Variants in PCDHA13 observed in about 807,000 individuals in gnomAD.
PCDHA13 encodes the protein protocadherin alpha-13.
In PCDHA13, 54 loss-of-function variants were observed where a neutral mutation model predicts 64.8. The ratio of observed to expected loss-of-function variants is 0.83; its 90% confidence interval spans 0.67 to 1.04. The LOEUF (loss-of-function observed/expected upper bound fraction) is 1.04. Ranked by LOEUF, PCDHA13 falls within the 50% of genes least tolerant of loss-of-function variation. The pLI, the probability that PCDHA13 is intolerant of heterozygous loss-of-function variation, is 0.00. For missense variants in PCDHA13, 1,248 were observed against 1,254.3 expected (o/e 0.99, Z 0.08); for synonymous variants, 587 against 564.4 (o/e 1.04, Z -0.57).
chr5:140,974,884 T>A (rs1485443373), intron 1 of PCDHA13, among the ~76,000 whole-genome samples: 1 of 152,240 alleles, frequency 6.6e-6, no homozygotes, highest in Non-Finnish European at 1.5e-5. Context: ...TATGTATCCC[T>A]TTTCTGATGA....
chr5:140,882,971 G>A lies in PCDHA13; in HGVS notation c.703G>A (p.Val235Met), dbSNP rs1562782227. ...TVQLLITILD[V>M]NDNAPEFYQS... Reference sequence around the variant, plus strand: ...TCAGCTGCTCATCACGATTCTGGACGTGAATGACAACGCCCCGGAATTTTA... The same window carrying A: ...TCAGCTGCTCATCACGATTCTGGACATGAATGACAACGCCCCGGAATTTTA... The change falls in exon 1 of 4, where the codon GTG (valine) becomes ATG (methionine). Residue 235 changes from valine (V) to methionine (M), a missense_variant. Coordinates refer to ENST00000289272, the MANE Select transcript of PCDHA13 (RefSeq NM_018904.3). 3.1e-6 allele frequency: 5 copies of A among 1,614,206 alleles called. No individual in the cohort carries two copies. Among genetic ancestry groups the A allele is most frequent in the Admixed American group, 1.7e-5 (1 of 60,026 alleles).
chr5:140,943,742 T>C (rs1326111617), intron 1 of PCDHA13, among the ~76,000 whole-genome samples: 2 of 152,200 alleles, frequency 1.3e-5, no homozygotes, highest in Non-Finnish European at 2.9e-5. Context: ...GTCCACAGTC[T>C]AAAAGCAGTA....
At chr5:140,928,712 G>T in intron 1 of PCDHA13, 2 of 1,614,168 alleles carry the variant, frequency 1.2e-6, no homozygotes, top group Non-Finnish European at 1.7e-6. Flanking sequence ...TCTGACTCTA[G>T]TCTCTTTAGA....
chr5:140,991,844 C>T (rs892318388), intron 3 of PCDHA13, among the ~76,000 whole-genome samples: 2 of 152,334 alleles, frequency 1.3e-5, no homozygotes, highest in Middle Eastern at 6.8e-3. Flanking sequence ...AACCGCACTT[C>T]CAGATACCAA....
intron 1 of PCDHA13, among the ~76,000 whole-genome samples, chr5:140,940,840 A>T (rs1554213622): frequency 2.0e-5 from 3 of 152,222 alleles, no homozygotes; most frequent in Non-Finnish European, 1.5e-5. Context: ...ACCTTTCTTC[A>T]CGATAGATTT....
chr5:141,002,614 T>C (rs2098088159), intron 3 of PCDHA13, among the ~76,000 whole-genome samples: 1 of 152,130 alleles, frequency 6.6e-6, no homozygotes, highest in Non-Finnish European at 1.5e-5. Context: ...AACAGACACA[T>C]AACACAGACA....
At chr5:140,895,863 G>A (rs1450764434) in intron 1 of PCDHA13, among the ~76,000 whole-genome samples, 3 of 152,162 alleles carry the variant, frequency 2.0e-5, no homozygotes, top group African/African-American at 7.2e-5. Flanking sequence ...CCAGGCTGGA[G>A]TGCAATGGCG....
chr5:140,914,944 CTTT>C (rs35695909), intron 1 of PCDHA13, among the ~76,000 whole-genome samples: 73 of 128,234 alleles, frequency 5.7e-4, no homozygotes, highest in African/African-American at 1.8e-3. Flanking sequence ...GAAAAGTTGT[CTTT>C]TTTTTTTTTT....
chr5:140,966,042 G>T (rs1554228004), intron 1 of PCDHA13, among the ~76,000 whole-genome samples: 1 of 152,152 alleles, frequency 6.6e-6, no homozygotes, highest in Admixed American at 6.5e-5. Context: ...AGTTCCCATC[G>T]CCAGTAACCC....
intron 1 of PCDHA13, chr5:140,968,154 A>G (rs782200456): frequency 3.7e-6 from 6 of 1,614,162 alleles, no homozygotes; most frequent in South Asian, 1.1e-5. Flanking sequence ...TCTGACATCA[A>G]TGACAATCCA....
intron 3 of PCDHA13, among the ~76,000 whole-genome samples, chr5:140,994,117 G>C (rs889813029): frequency 6.6e-6 from 1 of 152,198 alleles, no homozygotes; most frequent in Non-Finnish European, 1.5e-5. Flanking sequence ...ATTGTCATGT[G>C]ATAAGGGCGA....
At chr5:140,957,780 G>A (rs2095383354) in intron 1 of PCDHA13, among the ~76,000 whole-genome samples, 1 of 152,020 alleles carries the variant, frequency 6.6e-6, no homozygotes, top group Non-Finnish European at 1.5e-5. Context: ...TAAAAACTAA[G>A]TTCATCATAT....
intron 1 of PCDHA13, among the ~76,000 whole-genome samples, chr5:140,922,635 C>G (rs1403011776): frequency 6.6e-6 from 1 of 152,118 alleles, no homozygotes; most frequent in Non-Finnish European, 1.5e-5. Context: ...ATAAGCCACT[C>G]CATCAAACAG....
intron 1 of PCDHA13, among the ~76,000 whole-genome samples, chr5:140,924,166 T>C (rs1409712075): frequency 6.6e-6 from 1 of 152,232 alleles, no homozygotes; most frequent in African/African-American, 2.4e-5. Flanking sequence ...TCCTAATCTC[T>C]GGCACTGAAG....
chr5:140,942,617 TG>T (rs1223896117), intron 1 of PCDHA13, among the ~76,000 whole-genome samples: 4 of 100,138 alleles, frequency 4.0e-5, no homozygotes, highest in Admixed American at 9.6e-5. Flanking sequence ...ATTTGCCAAT[TG>T]TAAAAAAAAA....
chr5:140,949,679 T>A (rs246046), intron 1 of PCDHA13, among the ~76,000 whole-genome samples: 85,531 of 151,538 alleles, frequency 0.56, 24,739 homozygotes, highest in African/African-American at 0.69. Context: ...ATGCCCTTGT[T>A]GAAGCGTATT....
At chr5:140,967,560 A>C (rs2096156699) in intron 1 of PCDHA13, 2 of 1,613,966 alleles carry the variant, frequency 1.2e-6, no homozygotes, top group Non-Finnish European at 1.7e-6. Context: ...TATCGCGTCC[A>C]GCTACGGGAG....
chr5:140,962,852 T>G (rs2095713840), intron 1 of PCDHA13, among the ~76,000 whole-genome samples: 2 of 152,216 alleles, frequency 1.3e-5, no homozygotes, highest in Admixed American at 1.3e-4. Context: ...TAACTTGTGC[T>G]CGGTTTGTAG....
intron 1 of PCDHA13, among the ~76,000 whole-genome samples, chr5:140,921,213 G>A (rs759293646): frequency 1.3e-5 from 2 of 151,378 alleles, no homozygotes; most frequent in East Asian, 1.9e-4. Context: ...GATAATTCAC[G>A]TCTTTTTTGC....
Sources: allele counts gnomAD v4.1 joint callset (sites outside exome capture counted in the v4.1 genomes callset), GRCh38; gene constraint gnomAD v4.1.1; transcripts MANE v1.5; gene names NCBI Gene and HGNC (gene_info 2026-07-23, HGNC 2026-07-21).